DDC: variants seen among roughly 807,000 people sequenced by gnomAD.
The protein encoded by DDC is aromatic-L-amino-acid decarboxylase.
A neutral mutation model predicts 60.0 loss-of-function variants in DDC; 43 were observed. The observed-to-expected ratio is 0.72, with a 90% CI of 0.56 to 0.92. The LOEUF (loss-of-function observed/expected upper bound fraction) is 0.92. Among genes scored for constraint, DDC ranks in the 40% least tolerant of loss-of-function variants. The pLI is 0.00. For missense variants in DDC, 573 were observed against 620.2 expected (o/e 0.92, Z 0.81); for synonymous variants, 232 against 234.6 (o/e 0.99, Z 0.10).
chr7:50,476,294 C>T (rs1184736689), intron 11 of DDC, among the ~76,000 whole-genome samples: 3 of 152,192 alleles, frequency 2.0e-5, no homozygotes, highest in Non-Finnish European at 4.4e-5. Flanking sequence ...CCCACTGCCA[C>T]CACCAGTGCA....
chr7:50,474,484 G>A (rs908713402), intron 11 of DDC, among the ~76,000 whole-genome samples: 10 of 152,210 alleles, frequency 6.6e-5, no homozygotes, highest in African/African-American at 2.2e-4. Flanking sequence ...ACAGGCTGGG[G>A]AAGCCTCAGG....
intron 6 of DDC, among the ~76,000 whole-genome samples, chr7:50,522,071 A>G (rs1443829242): frequency 6.6e-6 from 1 of 152,178 alleles, no homozygotes; most frequent in Admixed American, 6.5e-5. Context: ...CTAAGTAAAC[A>G]ATTATGGCAA....
chr7:50,493,827 A>AC (rs56990170), intron 9 of DDC, among the ~76,000 whole-genome samples: 2 of 149,948 alleles, frequency 1.3e-5, no homozygotes, highest in Admixed American at 6.7e-5. Flanking sequence ...AAAAAAAAAA[A>AC]CAGGAAAAGG....
chr7:50,537,313 C>A lies in DDC; in HGVS notation c.435+547G>T, dbSNP rs1340936780. 2.6e-5 allele frequency among the ~76,000 whole-genome samples: 4 copies of A among 152,244 alleles called. No individual in the cohort carries two copies. In the East Asian group the frequency reaches 7.7e-4, roughly 29 times the overall value. ...AGCCTGGTCACATCTGCCACCTGTG[C>A]TGTCCTCCGAGGAATATCACGGGCT... On this transcript the variant is annotated intron_variant, in intron 4 of 14. Coordinates refer to ENST00000444124, the MANE Select transcript of DDC (RefSeq NM_001082971.2).
chr7:50,459,417 C>T (rs1370392835), intron 14 of DDC, among the ~76,000 whole-genome samples: 4 of 151,896 alleles, frequency 2.6e-5, no homozygotes, highest in Non-Finnish European at 4.4e-5. Flanking sequence ...CCTGGCCGCC[C>T]ATCGTCTGGG....
chr7:50,540,381 C>G (rs937021153), intron 2 of DDC, among the ~76,000 whole-genome samples: 2 of 152,056 alleles, frequency 1.3e-5, no homozygotes, highest in African/African-American at 4.8e-5. Context: ...GTTCTTGCTC[C>G]GGTGCTCTCG....
intron 11 of DDC, among the ~76,000 whole-genome samples, chr7:50,470,680 G>A (rs916433854): frequency 6.6e-6 from 1 of 152,174 alleles, no homozygotes; most frequent in African/African-American, 2.4e-5. Flanking sequence ...TGGTCCTACT[G>A]ATCACCATGG....
Position 50,458,527 on chromosome 7 carries a change from A to G in DDC, c.*335T>C, listed in dbSNP as rs537974304. 1.3e-5 allele frequency: 2 copies of G among 152,370 alleles called. No individual in the cohort carries two copies. Among genetic ancestry groups the G allele is most frequent in the South Asian group, 2.1e-4 (1 of 4,832 alleles). 9.4% of individuals were successfully genotyped at this position (152,370 alleles called of 1,614,324 possible). A position where few individuals can be genotyped will look rare whatever the true frequency, so the allele number is the denominator to read the frequency against. ...AGATATAATTTCAAGTTGCGTGAAC[A>G]TTGATTGCCCTGGAAAATATATCAG... On this transcript the variant is annotated 3_prime_UTR_variant, in exon 15 of 15. Coordinates refer to ENST00000444124, the MANE Select transcript of DDC (RefSeq NM_001082971.2).
At chr7:50,537,698 A>C (rs1404209975) in intron 4 of DDC, among the ~76,000 whole-genome samples, 162 bp downstream of exon 4, 1 of 152,226 alleles carries the variant, frequency 6.6e-6, no homozygotes, top group Non-Finnish European at 1.5e-5. Flanking sequence ...AGATCCTGCC[A>C]ATCCCAAAGC....
intron 9 of DDC, chr7:50,493,141 C>G (rs1410511819): frequency 1.4e-6 from 1 of 735,976 alleles, no homozygotes; most frequent in East Asian, 2.7e-5. Context: ...GTGGCAATGT[C>G]TGTGTCCCTC....
intron 1 of DDC, among the ~76,000 whole-genome samples, chr7:50,548,150 CCTGT>C (rs375030778): frequency 6.6e-6 from 1 of 152,306 alleles, no homozygotes; most frequent in African/African-American, 2.4e-5. Flanking sequence ...CCATTATTCG[CCTGT>C]CTTTCTTCCT....
chr7:50,520,813 C>CTGAG (rs767498921), intron 6 of DDC, among the ~76,000 whole-genome samples: 1 of 152,050 alleles, frequency 6.6e-6, no homozygotes, highest in African/African-American at 2.4e-5. Flanking sequence ...ACTCAAGAGG[C>CTGAG]TGAGGCAGGA....
intron 6 of DDC, among the ~76,000 whole-genome samples, chr7:50,505,219 G>T (rs1248170934): frequency 1.3e-5 from 2 of 152,226 alleles, no homozygotes; most frequent in Admixed American, 6.5e-5. Context: ...ATTGTTTTGT[G>T]TTGGGCTGAG....
chr7:50,506,421 T>C lies in DDC; in HGVS notation c.715-2362A>G, dbSNP rs182640405. Among the ~76,000 whole-genome samples, 678 of 152,122 alleles carry C rather than the reference T, an allele frequency of 4.5e-3. 6 individuals are homozygous for C. The highest frequency in any genetic ancestry group is 0.011 in the Admixed American group (165 of 15,280). ...CTAATGTAAATGACGAGTTAATGGG[T>C]GCAGCACACCAACCTGGCACATGTA... On this transcript the variant is annotated intron_variant, in intron 6 of 14. Coordinates refer to ENST00000444124, the MANE Select transcript of DDC (RefSeq NM_001082971.2).
At chr7:50,499,843 T>G (rs1161289157) in intron 7 of DDC, among the ~76,000 whole-genome samples, 1 of 152,194 alleles carries the variant, frequency 6.6e-6, no homozygotes, top group Non-Finnish European at 1.5e-5. Context: ...GAGCCACAGA[T>G]GTAGCATGCT....
At chr7:50,538,813 G>A (rs924463964) in intron 3 of DDC, among the ~76,000 whole-genome samples, 4 of 152,262 alleles carry the variant, frequency 2.6e-5, no homozygotes, top group Non-Finnish European at 5.9e-5. Flanking sequence ...AATGAAATCT[G>A]CTGCAATATC....
At position 50,495,353 on chromosome 7, in the gene DDC, A is replaced by G; in HGVS notation, c.941T>C (p.Met314Thr). Residue 314 changes from methionine to threonine, a missense_variant, in exon 9 of 15, where the codon ATG becomes ACG. Physicochemically the swap from Met to Thr is moderately conservative, Grantham distance 81. Transcript: ENST00000444124. ...ATCTGTGAGCAGGGAAACTTACCAC[A>G]TGGCAGAACAGTCAAAATTCACCAA... ...WLLVNFDCSA[M>T]WVKKRTDLTG... 1 of 1,611,920 alleles carries G rather than the reference A, an allele frequency of 6.2e-7. No individual in the cohort carries two copies. Among genetic ancestry groups the G allele is most frequent in the Non-Finnish European group, 8.5e-7 (1 of 1,178,374 alleles).
chr7:50,503,923 G>A (rs773202819), intron 7 of DDC, 70 bp downstream of exon 7: 24 of 1,082,328 alleles, frequency 2.2e-5, no homozygotes, highest in Admixed American at 3.4e-5. Context: ...AGAGATCAAC[G>A]AGGAAGGTTT....
intron 9 of DDC, among the ~76,000 whole-genome samples, chr7:50,482,092 A>G (rs772691202): frequency 7.9e-5 from 12 of 152,216 alleles, no homozygotes; most frequent in Admixed American, 1.3e-4. Context: ...GCATCTGCCA[A>G]TGGAATAGCA....
Sources: allele counts gnomAD v4.1 joint callset (sites outside exome capture counted in the v4.1 genomes callset), GRCh38; gene constraint gnomAD v4.1.1; transcripts MANE v1.5; gene names NCBI Gene and HGNC (gene_info 2026-07-23, HGNC 2026-07-21).